The following PTK2 variants were observed in gnomAD, a reference collection of about 807,000 sequenced individuals.
PTK2 encodes the protein protein tyrosine kinase 2.
PTK2 carries 45 observed loss-of-function variants against 150.1 expected under a neutral mutation model. That is an observed-to-expected ratio of 0.30 (90% CI 0.24 to 0.38). The LOEUF (loss-of-function observed/expected upper bound fraction) is 0.38, where lower values mean the gene tolerates loss of function less well. Ranked by LOEUF, PTK2 falls within the 10% of genes least tolerant of loss-of-function variation. PTK2 has a pLI of 1.00. For synonymous variants in PTK2, 432 were observed against 449.2 expected (o/e 0.96, Z 0.48); for missense variants, 919 against 1,307.3 (o/e 0.70, Z 4.58).
chr8:140,855,081 G>C (rs2100131703), intron 5 of PTK2, among the ~76,000 whole-genome samples: 1 of 152,106 alleles, frequency 6.6e-6, no homozygotes, highest in Non-Finnish European at 1.5e-5. Flanking sequence ...CCAAACTCAA[G>C]CACAAGTGGT....
Position 140,675,583 on chromosome 8 carries a change from C to G in PTK2, c.2563-84G>C, listed in dbSNP as rs182401625. ...TCTCACCCACCCTGTCTATCCACCC[C>G]CTTGAACTTCTAGGCTAGATTCTAG... On this transcript the variant is annotated intron_variant, in intron 27 of 31. Transcript: ENST00000522684. 9.8e-4 allele frequency: 990 copies of G among 1,010,412 alleles called. 2 individuals are homozygous for G. The highest frequency in any genetic ancestry group is 2.5e-3 in the Middle Eastern group (12 of 4,830). The allele number at this position is 1,010,412 out of a possible 1,614,324, so 62.6% of individuals were successfully genotyped here.
intron 1 of PTK2, among the ~76,000 whole-genome samples, chr8:140,942,020 G>T (rs1603439136): frequency 6.6e-6 from 1 of 151,974 alleles, no homozygotes. Context: ...CTCCCGAGTA[G>T]CTGGGACCAC....
rs183460783 is a variant in PTK2, at chr8:140,972,227, T to A, written c.-122+28898A>T. Among the ~76,000 whole-genome samples the A allele has an allele frequency of 3.8e-3, 574 of 152,310 alleles. 4 individuals carry two copies. The highest frequency in any genetic ancestry group is 0.012 in the African/African-American group (518 of 41,546). ...TCCTCTCATTAGACCTGTATTTTTT[T>A]AATTATGCTCAATTGTTTTTATTAT... On this transcript the variant is annotated intron_variant, in intron 1 of 31. Coordinates refer to ENST00000522684, the Ensembl canonical transcript of PTK2.
At chr8:140,803,450 TA>T in intron 11 of PTK2, 92 bp downstream of exon 11, 1 of 1,013,702 alleles carries the variant, frequency 9.9e-7, no homozygotes, top group Non-Finnish European at 1.5e-6. Flanking sequence ...TGATGATCCA[TA>T]AAAACTTCAT....
rs1194320453 is a variant in PTK2, at chr8:140,700,868, A to C, written c.2499+23T>G. On this transcript the variant is annotated intron_variant, in intron 26 of 31. Transcript: ENST00000522684. ...TCTAACAGGGCTTAAAAAGTCAAAG[A>C]AGCCTTTCAGAAACACAATTACCAG... 6.2e-6 allele frequency: 10 copies of C among 1,612,656 alleles called. No individual in the cohort carries two copies. In the South Asian group the frequency reaches 1.1e-4, roughly 18 times the overall value.
intron 14 of PTK2, among the ~76,000 whole-genome samples, chr8:140,785,111 G>T (rs1309388382): frequency 6.6e-6 from 1 of 152,100 alleles, no homozygotes; most frequent in East Asian, 1.9e-4. Context: ...AAGGAATCTA[G>T]AACCATTTAT....
intron 7 of PTK2, among the ~76,000 whole-genome samples, chr8:140,839,420 C>G (rs1449684153): frequency 6.6e-6 from 1 of 152,140 alleles, no homozygotes; most frequent in African/African-American, 2.4e-5. Context: ...TTGAGACACC[C>G]CAGTACCTCA....
intron 2 of PTK2, among the ~76,000 whole-genome samples, chr8:140,898,515 G>A (rs933538558): frequency 2.6e-5 from 4 of 152,148 alleles, no homozygotes; most frequent in South Asian, 2.1e-4. Context: ...GGTTCTCAGT[G>A]CCTAACTGTT....
At chr8:140,918,580 G>A (rs2100166198) in intron 2 of PTK2, among the ~76,000 whole-genome samples, 1 of 152,086 alleles carries the variant, frequency 6.6e-6, no homozygotes. Flanking sequence ...GACCTAAGGT[G>A]GATTCTTTAC....
intron 17 of PTK2, among the ~76,000 whole-genome samples, chr8:140,749,484 T>C (rs2154512905): frequency 6.6e-6 from 1 of 152,310 alleles, no homozygotes; most frequent in South Asian, 2.1e-4. Flanking sequence ...GAACTAAAAA[T>C]CAACACATAG....
intron 1 of PTK2, among the ~76,000 whole-genome samples, chr8:140,976,476 T>A (rs1362834830): frequency 6.6e-6 from 1 of 152,224 alleles, no homozygotes; most frequent in Non-Finnish European, 1.5e-5. Context: ...TCCTTAAGAA[T>A]CAGTCCTTGG....
intron 1 of PTK2, among the ~76,000 whole-genome samples, chr8:140,979,948 G>A (rs992144397): frequency 6.6e-5 from 10 of 152,248 alleles, no homozygotes; most frequent in South Asian, 4.1e-4. Context: ...TATCAGTAGC[G>A]TGAAAACAAA....
intron 29 of PTK2, 160 bp downstream of exon 32, chr8:140,674,138 A>G (rs1302242306): frequency 1.3e-6 from 1 of 794,772 alleles, no homozygotes; most frequent in Non-Finnish European, 2.2e-6. Flanking sequence ...AGAGGGGTTC[A>G]GAACCAGACC....
intron 3 of PTK2, among the ~76,000 whole-genome samples, chr8:140,886,093 A>G (rs1013296586): frequency 6.6e-6 from 1 of 152,196 alleles, no homozygotes; most frequent in East Asian, 1.9e-4. Flanking sequence ...GGTTCTGGAT[A>G]TATTTTTGAA....
chr8:140,975,836 C>A (rs963963835), intron 1 of PTK2, among the ~76,000 whole-genome samples: 3 of 152,196 alleles, frequency 2.0e-5, no homozygotes, highest in South Asian at 2.1e-4. Context: ...CTCACTCCCC[C>A]TCAAGTCTAT....
intron 14 of PTK2, among the ~76,000 whole-genome samples, chr8:140,764,683 CTA>C (rs1032719681): frequency 2.0e-5 from 3 of 152,192 alleles, no homozygotes; most frequent in Non-Finnish European, 4.4e-5. Flanking sequence ...AGACTGGTAT[CTA>C]TAAAACACGG....
At chr8:140,890,281 AC>A in intron 3 of PTK2, 2 of 369,918 alleles carry the variant, frequency 5.4e-6, no homozygotes, top group Non-Finnish European at 9.6e-6. Context: ...AAAAAAAAAA[AC>A]CTAGAAGGGA....
intron 14 of PTK2, among the ~76,000 whole-genome samples, chr8:140,766,893 A>G (rs2100072611): frequency 6.6e-6 from 1 of 152,206 alleles, no homozygotes; most frequent in Non-Finnish European, 1.5e-5. Flanking sequence ...TAGCACTGTT[A>G]TGAGGATTAC....
In PTK2 at chr8:140,933,191, A is replaced by T. The variant is rs371697328; in HGVS notation, c.-121-7442T>A. Among the ~76,000 whole-genome samples the T allele has an allele frequency of 3.7e-3, 3 of 816 alleles. No individual in the cohort carries two copies. In the East Asian group the frequency reaches 0.38, roughly 102 times the overall value. 0.5% of individuals were successfully genotyped at this position (816 alleles called of 152,430 possible). ...ACCAGGATCTCTAACAACAGTAATG[A>T]AAAAAAAAAAAAAGACTTGAGATTT... On this transcript the variant is annotated intron_variant, in intron 1 of 31. Transcript: ENST00000522684.
Sources: allele counts gnomAD v4.1 joint callset (sites outside exome capture counted in the v4.1 genomes callset), GRCh38; gene constraint gnomAD v4.1.1; transcripts MANE v1.5; gene names NCBI Gene and HGNC (gene_info 2026-07-23, HGNC 2026-07-21).